Variants in PARP1 observed in about 807,000 individuals in gnomAD.
The protein encoded by PARP1 is poly(ADP-ribose) polymerase 1, also known as poly [ADP-ribose] polymerase 1.
A neutral mutation model predicts 118.7 loss-of-function variants in PARP1; 44 were observed. The observed-to-expected ratio is 0.37, with a 90% CI of 0.29 to 0.48. The LOEUF (loss-of-function observed/expected upper bound fraction) is 0.48. Ranked by LOEUF, PARP1 falls within the 20% of genes least tolerant of loss-of-function variation. The pLI is 0.99. For missense variants in PARP1, 1,100 were observed against 1,272.4 expected (o/e 0.86, Z 2.06); for synonymous variants, 492 against 483.2 (o/e 1.02, Z -0.24).
At chr1:226,367,756 T>C in intron 16 of PARP1, 148 bp from the exon 17 acceptor site, 1 of 883,606 alleles carries the variant, frequency 1.1e-6, no homozygotes, top group Admixed American at 1.9e-5. Context: ...TGTTACCTGC[T>C]GCACATATTG....
intron 18 of PARP1, 86 bp downstream of exon 18, chr1:226,365,868 C>A: frequency 1.2e-6 from 1 of 857,816 alleles, no homozygotes; most frequent in South Asian, 1.4e-5. Context: ...ATAAACTGCT[C>A]TTTTCTACCC....
intron 2 of PARP1, among the ~76,000 whole-genome samples, chr1:226,394,166 T>C (rs925205234): frequency 6.6e-6 from 1 of 152,056 alleles, no homozygotes; most frequent in African/African-American, 2.4e-5. Context: ...CTGGGCAACA[T>C]AGAGACCTCC....
At chr1:226,368,631 T>C (rs974876202) in intron 15 of PARP1, among the ~76,000 whole-genome samples, 1 of 152,252 alleles carries the variant, frequency 6.6e-6, no homozygotes, top group Non-Finnish European at 1.5e-5. Context: ...AACTGTAAAA[T>C]CTAGGTGGTG....
chr1:226,389,039 T>C (rs1163382803), intron 4 of PARP1, among the ~76,000 whole-genome samples: 1 of 151,644 alleles, frequency 6.6e-6, no homozygotes, highest in African/African-American at 2.4e-5. Context: ...AACAACCCAT[T>C]ACAAGAATCC....
chr1:226,376,052 C>T (rs1558236170), intron 13 of PARP1, among the ~76,000 whole-genome samples: 1 of 152,060 alleles, frequency 6.6e-6, no homozygotes, highest in Non-Finnish European at 1.5e-5. Flanking sequence ...CAAATCTGTC[C>T]TGAAAGTCTA....
chr1:226,393,136 C>A (rs1664851179), intron 2 of PARP1, among the ~76,000 whole-genome samples: 1 of 152,112 alleles, frequency 6.6e-6, no homozygotes, highest in African/African-American at 2.4e-5. Flanking sequence ...GTGAATTTAG[C>A]AAATACGCAG....
chr1:226,395,123 T>TAAA (rs77368740), intron 2 of PARP1, among the ~76,000 whole-genome samples: 1 of 143,000 alleles, frequency 7.0e-6, no homozygotes, highest in African/African-American at 2.6e-5. Flanking sequence ...GGCTATTATT[T>TAAA]AAAAAAAAAA....
At position 226,407,850 on chromosome 1, in the gene PARP1, C is replaced by A. The variant is rs754042347; in HGVS notation, c.80G>T (p.Ser27Ile). The part of the protein sequence containing the change: ...GRASCKKCSE[S>I]IPKDSLRMAI... ...CATCCGGAGCGAGTCCTTGGGGATGCTCTCGCTGCATTTCTTGCAAGAGGC... is the reference window on the plus strand; with the variant it reads ...CATCCGGAGCGAGTCCTTGGGGATGATCTCGCTGCATTTCTTGCAAGAGGC... Residue 27 changes from serine (S) to isoleucine (I), a missense_variant, in exon 1 of 23, where the codon AGC (serine) becomes ATC (isoleucine). By Grantham distance (142) the Ser-to-Ile change is moderately radical. Around this residue, in one of 2 missense-constraint regions of PARP1, gnomAD observed 948 missense variants for 1,031.8 expected, o/e 0.92. Coordinates refer to ENST00000366794, the MANE Select transcript of PARP1 (RefSeq NM_001618.4). The A allele has an allele frequency of 6.2e-7, 1 of 1,603,176 alleles. No homozygotes were observed. Among genetic ancestry groups the A allele is most frequent in the East Asian group, 2.3e-5 (1 of 44,158 alleles).
At chr1:226,400,671 T>C (rs977422696) in intron 2 of PARP1, among the ~76,000 whole-genome samples, 1 of 152,058 alleles carries the variant, frequency 6.6e-6, no homozygotes, top group Non-Finnish European at 1.5e-5. Context: ...AACCAGGGAC[T>C]GAGAGTCCTC....
chr1:226,364,197 A>G (rs1664206457), intron 19 of PARP1, 127 bp from the exon 20 acceptor site: 2 of 902,244 alleles, frequency 2.2e-6, no homozygotes, highest in African/African-American at 3.3e-5. Flanking sequence ...AATTCTCACA[A>G]TGCCCATGGT....
intron 12 of PARP1, 105 bp from the exon 13 acceptor site, chr1:226,377,408 C>T (rs932473610): frequency 7.1e-5 from 59 of 827,500 alleles, no homozygotes; most frequent in Non-Finnish European, 1.2e-4. Context: ...GAATTTTACA[C>T]ACCCCAAAAG....
chr1:226,379,012 G>T (rs568651480), intron 12 of PARP1, 130 bp downstream of exon 12: 13 of 1,117,356 alleles, frequency 1.2e-5, no homozygotes, highest in African/African-American at 3.1e-5. Flanking sequence ...ATTTGTTTTT[G>T]ATCTCTGTGA....
In PARP1 at chr1:226,388,616, C is replaced by T. The variant is rs370531920; in HGVS notation, c.717+40G>A. 129 of 1,313,582 alleles carry T rather than the reference C, an allele frequency of 9.8e-5. 2 individuals are homozygous for T. The highest frequency in any genetic ancestry group is 1.3e-4 in the Non-Finnish European group (120 of 905,638). The allele number at this position is 1,313,582 out of a possible 1,614,324, so 81.4% of individuals were successfully genotyped here. A position where few individuals can be genotyped will look rare whatever the true frequency, so the allele number is the denominator to read the frequency against. ...CCCAGAATGAGAAAGAGAATCCAGA[C>T]AGCAGAATGTCGAAAGGAGACACAG... On this transcript the variant is annotated intron_variant, in intron 5 of 22. Transcript: ENST00000366794.
At chr1:226,369,788 C>T (rs1299277690) in intron 15 of PARP1, among the ~76,000 whole-genome samples, 1 of 151,920 alleles carries the variant, frequency 6.6e-6, no homozygotes, top group Non-Finnish European at 1.5e-5. Flanking sequence ...AACCCCACCT[C>T]TACTAAAAAT....
At chr1:226,368,064 C>A in intron 16 of PARP1, 135 bp downstream of exon 16, 3 of 1,285,914 alleles carry the variant, frequency 2.3e-6, no homozygotes, top group Non-Finnish European at 3.4e-6. Flanking sequence ...AGAAACCCAA[C>A]TTCAAAACAA....
intron 2 of PARP1, among the ~76,000 whole-genome samples, chr1:226,395,156 C>G (rs1283257458): frequency 6.6e-6 from 1 of 150,978 alleles, no homozygotes; most frequent in Non-Finnish European, 1.5e-5. Context: ...CGAATGAGGA[C>G]AAATTGGAAC....
chr1:226,393,335 T>C (rs1375903390), intron 2 of PARP1, among the ~76,000 whole-genome samples: 1 of 152,164 alleles, frequency 6.6e-6, no homozygotes, highest in East Asian at 1.9e-4. Context: ...AAGACCTAAA[T>C]AAATGAAGAG....
intron 17 of PARP1, chr1:226,366,453 C>CA: frequency 3.8e-6 from 1 of 260,906 alleles, no homozygotes; most frequent in South Asian, 4.8e-5. Flanking sequence ...CTATGATGTG[C>CA]AATGAAAATT....
chr1:226,365,806 A>C, intron 18 of PARP1, 148 bp downstream of exon 18: 4 of 626,324 alleles, frequency 6.4e-6, no homozygotes, highest in Non-Finnish European at 1.2e-5. Flanking sequence ...AAAAAAAACT[A>C]CTAATTTTTC....
Sources: gnomAD v4.1 joint callset for allele counts (sites outside exome capture counted in the v4.1 genomes callset) on GRCh38, gnomAD v4.1.1 for gene constraint, gnomAD v4.1.1 regional missense constraint, MANE v1.5 for transcripts, NCBI Gene and HGNC (gene_info 2026-07-23, HGNC 2026-07-21) for gene names.